The following PTPRD variants were observed in gnomAD, a reference collection of about 807,000 sequenced individuals.
PTPRD encodes receptor-type tyrosine-protein phosphatase delta.
PTPRD carries 34 observed loss-of-function variants against 214.5 expected under a neutral mutation model. That is an observed-to-expected ratio of 0.16 (90% CI 0.12 to 0.21). PTPRD has a LOEUF of 0.21. Among genes scored for constraint, PTPRD ranks in the 10% least tolerant of loss-of-function variants. The pLI is 1.00. For missense variants in PTPRD, 2,545 were observed against 2,398.7 expected (o/e 1.06, Z -1.27); for synonymous variants, 1,128 against 845.7 (o/e 1.33, Z -5.79).
At chr9:10,370,295 T>C (rs1051310009) in intron 2 of PTPRD, among the ~76,000 whole-genome samples, 7 of 152,118 alleles carry the variant, frequency 4.6e-5, no homozygotes, top group African/African-American at 1.7e-4. Flanking sequence ...GAACGCATGT[T>C]CACAAGCAAG....
At chr9:9,150,985 G>A (rs552493345) in intron 10 of PTPRD, among the ~76,000 whole-genome samples, 1 of 152,172 alleles carries the variant, frequency 6.6e-6, no homozygotes. Flanking sequence ...TTGCACACAA[G>A]ATCGTGGGAG....
chr9:8,766,347 G>A (rs1178242419), intron 11 of PTPRD, among the ~76,000 whole-genome samples: 3 of 152,050 alleles, frequency 2.0e-5, no homozygotes, highest in African/African-American at 2.4e-5. Flanking sequence ...GTGTCCCAGT[G>A]TCAGTGAGTA....
At chr9:10,550,221 C>G (rs867688375) in intron 2 of PTPRD, among the ~76,000 whole-genome samples, 1 of 152,214 alleles carries the variant, frequency 6.6e-6, no homozygotes, top group Non-Finnish European at 1.5e-5. Flanking sequence ...ATCCACAAGT[C>G]CCCTTTGCTA....
At chr9:9,140,540 C>A (rs1011202821) in intron 10 of PTPRD, among the ~76,000 whole-genome samples, 1 of 152,176 alleles carries the variant, frequency 6.6e-6, no homozygotes, top group Non-Finnish European at 1.5e-5. Context: ...TTTCAAGACG[C>A]TGGGGATTGG....
chr9:9,582,954 A>G (rs2091154776), intron 7 of PTPRD, among the ~76,000 whole-genome samples: 5 of 152,078 alleles, frequency 3.3e-5, no homozygotes. Context: ...TCATTATACA[A>G]TTGAAAGTCA....
intron 18 of PTPRD, 84 bp from the exon 19 acceptor site, chr9:8,523,608 G>A: frequency 6.8e-7 from 1 of 1,473,758 alleles, no homozygotes; most frequent in Non-Finnish European, 9.4e-7. Flanking sequence ...GAGTAAAAAG[G>A]CCATATCAAG....
intron 36 of PTPRD, among the ~76,000 whole-genome samples, chr9:8,401,504 T>C (rs957731144): frequency 6.6e-6 from 1 of 152,198 alleles, no homozygotes; most frequent in East Asian, 1.9e-4. Flanking sequence ...AATTAAACAA[T>C]TGAAACCATT....
intron 12 of PTPRD, among the ~76,000 whole-genome samples, chr9:8,728,808 C>A (rs533710723): frequency 9.1e-4 from 138 of 151,944 alleles, no homozygotes; most frequent in African/African-American, 3.1e-3. Context: ...GGTGAAACCC[C>A]GTATTTATTA....
chr9:9,437,892 T>C (rs1588420024), intron 8 of PTPRD, among the ~76,000 whole-genome samples: 1 of 152,310 alleles, frequency 6.6e-6, no homozygotes, highest in South Asian at 2.1e-4. Context: ...AGTGCTGTAT[T>C]AGTGGGAGGC....
intron 8 of PTPRD, among the ~76,000 whole-genome samples, chr9:9,510,624 A>G (rs893856906): frequency 5.9e-5 from 9 of 151,514 alleles, no homozygotes; most frequent in African/African-American, 2.2e-4. Flanking sequence ...ACTACCAGCC[A>G]TTAAGAAAAG....
chr9:9,703,064 G>C (rs1006920627), intron 7 of PTPRD, among the ~76,000 whole-genome samples: 1 of 152,098 alleles, frequency 6.6e-6, no homozygotes, highest in Admixed American at 6.6e-5. Flanking sequence ...CAGGTGTTGA[G>C]GGAAGAACTG....
chr9:10,271,530 GTTTCT>G (rs200343939), intron 3 of PTPRD, among the ~76,000 whole-genome samples: 26 of 117,698 alleles, frequency 2.2e-4, no homozygotes, highest in African/African-American at 5.4e-4. Flanking sequence ...AAATTCAATT[GTTTCT>G]TTTCTTTTCT....
intron 10 of PTPRD, among the ~76,000 whole-genome samples, chr9:9,163,357 C>T (rs572270723): frequency 2.7e-4 from 41 of 152,168 alleles, no homozygotes; most frequent in African/African-American, 9.9e-4. Context: ...TCCACACTTC[C>T]ACACTTAATT....
At chr9:9,535,117 C>T (rs1455316522) in intron 8 of PTPRD, among the ~76,000 whole-genome samples, 1 of 152,064 alleles carries the variant, frequency 6.6e-6, no homozygotes, top group African/African-American at 2.4e-5. Context: ...CACCTGCAGC[C>T]TCTGGACTGA....
At chr9:8,585,178 A>T (rs2093539722) in intron 14 of PTPRD, among the ~76,000 whole-genome samples, 1 of 152,218 alleles carries the variant, frequency 6.6e-6, no homozygotes, top group Non-Finnish European at 1.5e-5. Flanking sequence ...TCAAATATGA[A>T]ATATGAAATT....
chr9:10,548,329 CAT>C (rs2060583121), intron 2 of PTPRD, among the ~76,000 whole-genome samples: 1 of 152,044 alleles, frequency 6.6e-6, no homozygotes, highest in Non-Finnish European at 1.5e-5. Flanking sequence ...GGCTATCAAT[CAT>C]ACACAGAAGG....
intron 8 of PTPRD, among the ~76,000 whole-genome samples, chr9:9,432,884 G>T (rs1588279936): frequency 1.3e-5 from 2 of 152,150 alleles, no homozygotes; most frequent in South Asian, 4.1e-4. Flanking sequence ...GTTTTAGAGG[G>T]ATCAGGAAAT....
At chr9:10,603,060 C>A (rs577811236) in intron 2 of PTPRD, among the ~76,000 whole-genome samples, 6 of 151,830 alleles carry the variant, frequency 4.0e-5, no homozygotes, top group Middle Eastern at 6.8e-3. Context: ...GTTTAAGGAG[C>A]TGATATACCA....
intron 5 of PTPRD, among the ~76,000 whole-genome samples, chr9:9,781,721 G>A (rs563561798): frequency 2.0e-5 from 3 of 151,652 alleles, no homozygotes; most frequent in African/African-American, 7.3e-5. Flanking sequence ...TATCCAGTAG[G>A]TTTTTACACA....
Sources: gnomAD v4.1 joint callset for allele counts (sites outside exome capture counted in the v4.1 genomes callset) on GRCh38, gnomAD v4.1.1 for gene constraint, MANE v1.5 for transcripts, NCBI Gene and HGNC (gene_info 2026-07-23, HGNC 2026-07-21) for gene names.